The following ADCY2 variants were observed in gnomAD, a reference collection of about 807,000 sequenced individuals.
ADCY2 encodes the protein adenylate cyclase 2.
Under a neutral mutation model 125.2 loss-of-function variants are expected in ADCY2, and 31 were observed. That is an observed-to-expected ratio of 0.25 (90% CI 0.19 to 0.33). The LOEUF (loss-of-function observed/expected upper bound fraction) is 0.33, where lower values mean the gene tolerates loss of function less well. ADCY2 is among the 10% of genes least tolerant of loss of function. The probability of loss-of-function intolerance (pLI) is 1.00; values close to 1 mark genes in which losing one functional copy is unlikely to be tolerated. For synonymous variants in ADCY2, 512 were observed against 548.4 expected, an observed-to-expected ratio of 0.93 and a Z score of 0.93; for missense variants, 904 against 1,418.2, an observed-to-expected ratio of 0.64 and a Z score of 5.82.
At chr5:7,485,672 A>G (rs1742900013) in intron 2 of ADCY2, among the ~76,000 whole-genome samples, 1 of 152,198 alleles carries the variant, frequency 6.6e-6, no homozygotes, top group Admixed American at 6.5e-5. Flanking sequence ...ATAAATATGC[A>G]AAATATATAA....
At chr5:7,721,805 G>A (rs1741770747) in intron 12 of ADCY2, among the ~76,000 whole-genome samples, 1 of 152,130 alleles carries the variant, frequency 6.6e-6, no homozygotes, top group Non-Finnish European at 1.5e-5. Flanking sequence ...TAGTCTTGTA[G>A]TATAGTTTGA....
intron 3 of ADCY2, among the ~76,000 whole-genome samples, chr5:7,586,996 A>G (rs375158003): frequency 9.8e-5 from 15 of 152,316 alleles, no homozygotes; most frequent in African/African-American, 3.6e-4. Flanking sequence ...ATAGATAGAC[A>G]AAGACATAGA....
Position 7,520,682 on chromosome 5 carries a change from G to A in ADCY2, c.409-56G>A, listed in dbSNP as rs570726584. 3.3e-5 allele frequency: 53 copies of A among 1,593,420 alleles called. No homozygotes were observed. The African/African-American group carries it at 6.2e-4, about 19-fold the overall frequency. On this transcript the variant is annotated intron_variant, in intron 2 of 24. Transcript: ENST00000338316. ...GCCTTTAGTGGCATGGAAACAGGAG[G>A]CTCTTAGAAACCAGAATATTTGGTG...
In ADCY2 at chr5:7,709,286, C is replaced by T. The variant is rs968274397; in HGVS notation, c.1477C>T (p.Arg493Cys). The T allele has an allele frequency of 1.1e-5, 17 of 1,613,916 alleles. No homozygotes were observed. Among genetic ancestry groups the T allele is most frequent in the East Asian group, 2.2e-5 (1 of 44,854 alleles). The change falls in exon 10 of 25, where the codon CGC (arginine) becomes TGC (cysteine). Residue 493 changes from arginine to cysteine, a missense_variant. Around this residue, in one of 7 missense-constraint regions of ADCY2, gnomAD observed 144 missense variants for 227.7 expected, o/e 0.63. Coordinates refer to ENST00000338316, the MANE Select transcript of ADCY2 (RefSeq NM_020546.3). This position sits in a 1 kb window ranked among gnomAD's most constrained non-coding sequence, Gnocchi z 4.4. ...TGGAGCCAAAATGAGGGCCTCGGTC[C>T]GCATGACCCGGTACTTGGAGTCCTG... ...LDGAKMRASV[R>C]MTRYLESWGA... is the part of the protein sequence containing the mutation.
chr5:7,560,696 G>GT (rs138846066), intron 3 of ADCY2, among the ~76,000 whole-genome samples: 5,507 of 149,064 alleles, frequency 0.037, 260 homozygotes, highest in African/African-American at 0.11. Flanking sequence ...TCACTAACAG[G>GT]TTTTTTTTTT....
chr5:7,769,480 G>A (rs1485606657), intron 17 of ADCY2, among the ~76,000 whole-genome samples: 1 of 152,002 alleles, frequency 6.6e-6, no homozygotes, highest in Non-Finnish European at 1.5e-5. Flanking sequence ...GCAAGAAAAA[G>A]GCTGGAAACA....
intron 2 of ADCY2, among the ~76,000 whole-genome samples, chr5:7,424,209 A>T (rs957004582): frequency 6.6e-6 from 1 of 152,266 alleles, no homozygotes; most frequent in African/African-American, 2.4e-5. Context: ...GCATCTGTGC[A>T]CTTGCCCCTT....
intron 7 of ADCY2, among the ~76,000 whole-genome samples, chr5:7,701,091 A>G (rs1741062355): frequency 6.6e-6 from 1 of 152,052 alleles, no homozygotes; most frequent in Non-Finnish European, 1.5e-5. Flanking sequence ...TTGGATTGAA[A>G]AAAATATATT....
At chr5:7,466,584 G>T (rs969767680) in intron 2 of ADCY2, among the ~76,000 whole-genome samples, 1 of 152,128 alleles carries the variant, frequency 6.6e-6, no homozygotes, top group African/African-American at 2.4e-5. Context: ...ATCCTACCTC[G>T]CAATGAGCAT....
At chr5:7,545,696 T>G (rs1735126457) in intron 3 of ADCY2, among the ~76,000 whole-genome samples, 1 of 152,220 alleles carries the variant, frequency 6.6e-6, no homozygotes, top group Admixed American at 6.5e-5. Flanking sequence ...TAGTTCTTTC[T>G]GAAGGTCATT....
chr5:7,475,602 G>T (rs560210723), intron 2 of ADCY2, among the ~76,000 whole-genome samples: 2 of 152,096 alleles, frequency 1.3e-5, no homozygotes, highest in Admixed American at 6.5e-5. Flanking sequence ...GGCTGTTCTC[G>T]AACCCCTGAC....
chr5:7,625,318 C>G (rs1738083944), intron 3 of ADCY2, among the ~76,000 whole-genome samples: 1 of 152,134 alleles, frequency 6.6e-6, no homozygotes, highest in African/African-American at 2.4e-5. Flanking sequence ...TAAAGCAAAG[C>G]ACAAAACTAC....
rs1743303957 is a variant in ADCY2 at position 7,763,739 on chromosome 5, A to G, written c.2095-2948A>G. 2.0e-5 allele frequency among the ~76,000 whole-genome samples: 3 copies of G among 152,124 alleles called. No homozygotes were observed. In the South Asian group the frequency reaches 6.2e-4, roughly 31 times the overall value. ...CCCTCGGGTGTTCCTTTTCTTCTGG[A>G]AGCCCCAGTCCCTCTGCAGCCGGTG... is the stretch of plus-strand genomic sequence containing the variant. On this transcript the variant is annotated intron_variant, in intron 16 of 24. Coordinates refer to ENST00000338316, the MANE Select transcript of ADCY2 (RefSeq NM_020546.3).
chr5:7,743,484 G>C (rs1579381190), intron 14 of ADCY2, among the ~76,000 whole-genome samples, 184 bp from the exon 15 acceptor site: 2 of 152,208 alleles, frequency 1.3e-5, no homozygotes, highest in Admixed American at 6.5e-5. Context: ...GGCCATCGCT[G>C]TGTGGACCCT....
At chr5:7,650,626 C>T (rs1320155377) in intron 4 of ADCY2, among the ~76,000 whole-genome samples, 2 of 152,056 alleles carry the variant, frequency 1.3e-5, no homozygotes, top group African/African-American at 2.4e-5. Context: ...GTTCTTGCCC[C>T]CCGGACAGTG....
chr5:7,639,530 T>C (rs1419961604), intron 4 of ADCY2, among the ~76,000 whole-genome samples: 6 of 152,208 alleles, frequency 3.9e-5, no homozygotes, highest in Non-Finnish European at 7.3e-5. Flanking sequence ...TACTTTGTAC[T>C]CCTGATCGTT....
At chr5:7,469,744 C>A (rs1742267636) in intron 2 of ADCY2, among the ~76,000 whole-genome samples, 1 of 151,714 alleles carries the variant, frequency 6.6e-6, no homozygotes, top group African/African-American at 2.4e-5. Context: ...TCTCTAAATT[C>A]ATTTATAAGT....
chr5:7,793,394 C>T (rs1378223254), intron 20 of ADCY2, among the ~76,000 whole-genome samples: 4 of 152,100 alleles, frequency 2.6e-5, no homozygotes, highest in Admixed American at 6.5e-5. Flanking sequence ...GAAATTGCAG[C>T]GAGCCGAGAT....
At chr5:7,509,197 A>G (rs990962707) in intron 2 of ADCY2, among the ~76,000 whole-genome samples, 12 of 152,236 alleles carry the variant, frequency 7.9e-5, no homozygotes, top group African/African-American at 2.7e-4. Context: ...AAGAAAATGC[A>G]TGTATATTGT....
Sources: allele counts gnomAD v4.1 joint callset (sites outside exome capture counted in the v4.1 genomes callset), GRCh38; gene constraint gnomAD v4.1.1; regional missense constraint gnomAD v4.1.1; non-coding constraint Gnocchi (gnomAD v3.1); transcripts MANE v1.5; gene names NCBI Gene and HGNC (gene_info 2026-07-23, HGNC 2026-07-21).